The following PDXP variants were observed in gnomAD, a reference collection of about 807,000 sequenced individuals.
PDXP encodes chronophin.
A neutral mutation model predicts 14.4 loss-of-function variants in PDXP; 15 were observed. The observed-to-expected ratio is 1.04, with a 90% confidence interval of 0.70 to 1.60. PDXP has a LOEUF of 1.60. PDXP is among the 40% of genes most tolerant of loss of function. PDXP has a pLI of 0.00. For missense variants in PDXP, 413 were observed against 427.6 expected (o/e 0.97, Z 0.30); for synonymous variants, 233 against 205.6 (o/e 1.13, Z -1.14).
intron 1 of PDXP, among the ~76,000 whole-genome samples, chr22:37,662,860 C>T (rs1299203219): frequency 1.3e-5 from 2 of 151,802 alleles, no homozygotes; most frequent in Non-Finnish European, 2.9e-5. Context: ...TGGTGACACG[C>T]GCCTGTAATC....
At chr22:37,665,211 G>A in intron 1 of PDXP, 2 of 368,304 alleles carry the variant, frequency 5.4e-6, no homozygotes, top group East Asian at 5.2e-5. Context: ...CGAACCTCAG[G>A]CAGGACTGAC....
intron 1 of PDXP, 63 bp downstream of exon 1, chr22:37,659,419 A>G (rs1183721077): frequency 5.1e-6 from 6 of 1,183,854 alleles, no homozygotes; most frequent in South Asian, 7.0e-5. Context: ...CTCCACGCCT[A>G]AGGGTGAGGG....
Position 37,665,883 on chromosome 22 carries a change from C to T in PDXP, c.*12C>T. The T allele has an allele frequency of 6.2e-7, 1 of 1,606,218 alleles. No homozygotes were observed. The highest frequency in any genetic ancestry group is 8.5e-7 in the Non-Finnish European group (1 of 1,174,406). On this transcript the variant is annotated 3_prime_UTR_variant, in exon 2 of 2. Transcript: ENST00000215904. ...GGTTGGAGGACTGAGCCCACTGCACCTGCAGCCACAGGCCCACCCCTCCCC... is the reference window on the plus strand; with the variant it reads ...GGTTGGAGGACTGAGCCCACTGCACTTGCAGCCACAGGCCCACCCCTCCCC...
rs1479895799 is a variant in PDXP, at chr22:37,659,206, C to G, written c.424C>G (p.Arg142Gly). The G allele has an allele frequency of 6.4e-6, 8 of 1,256,944 alleles. No homozygotes were observed. The highest frequency in any genetic ancestry group is 6.0e-6 in the Non-Finnish European group (6 of 999,846). The allele number at this position is 1,256,944 out of a possible 1,614,324, so 77.9% of individuals were successfully genotyped here. A position where few individuals can be genotyped will look rare whatever the true frequency, so the allele number is the denominator to read the frequency against. Residue 142 changes from arginine to glycine, a missense_variant, in exon 1 of 2, where the codon CGC becomes GGC. By Grantham distance (125) the Arg-to-Gly change is moderately radical (BLOSUM62 -2). Coordinates refer to ENST00000215904, the MANE Select transcript of PDXP (RefSeq NM_020315.5). ...DPSAGDGAAP[R>G]VRAVLVGYDE... ...GAGCGCGGGGGACGGCGCGGCCCCGCGCGTGCGCGCCGTGCTTGTGGGCTA... is the reference window on the plus strand; with the variant it reads ...GAGCGCGGGGGACGGCGCGGCCCCGGGCGTGCGCGCCGTGCTTGTGGGCTA...
chr22:37,658,954 A>G lies in PDXP; in HGVS notation c.172A>G (p.Ser58Gly). ...GGCCGGCAAGGCGGCTCTGTTTGTGAGCAACAACAGCCGGCGCGCGCGGCC... is the reference window on the plus strand; with the variant it reads ...GGCCGGCAAGGCGGCTCTGTTTGTGGGCAACAACAGCCGGCGCGCGCGGCC... The part of the protein sequence containing the change: ...ARAGKAALFV[S>G]NNSRRARPEL... The change falls in exon 1 of 2, where the codon AGC (serine) becomes GGC (glycine). Residue 58 changes from serine (S) to glycine (G), a missense_variant. By Grantham distance (56) the Ser-to-Gly change is moderately conservative. Transcript: ENST00000215904. 8.3e-7 allele frequency: 1 copy of G among 1,210,132 alleles called. No individual in the cohort carries two copies. The highest frequency in any genetic ancestry group is 1.0e-6 in the Non-Finnish European group (1 of 972,166). The allele number at this position is 1,210,132 out of a possible 1,614,324, so 75.0% of individuals were successfully genotyped here.
Position 37,666,135 on chromosome 22 carries a change from A to C in PDXP, c.*264A>C. 4 of 524,986 alleles carry C rather than the reference A, an allele frequency of 7.6e-6. No homozygotes were observed. Among genetic ancestry groups the C allele is most frequent in the South Asian group, 5.3e-5 (2 of 37,734 alleles). The allele number at this position is 524,986 out of a possible 1,614,324, so 32.5% of individuals were successfully genotyped here. ...CAGGTGGCCTTATTTCTTCCCTGTC[A>C]CCTCCCCTCCTTGAAATCTGGGCCC... On this transcript the variant is annotated 3_prime_UTR_variant, in exon 2 of 2. Coordinates refer to ENST00000215904, the MANE Select transcript of PDXP (RefSeq NM_020315.5).
Position 37,666,407 on chromosome 22 carries a change from C to G in PDXP, c.*536C>G, listed in dbSNP as rs1320922031. On this transcript the variant is annotated 3_prime_UTR_variant, in exon 2 of 2. Transcript: ENST00000215904. The stretch of plus-strand genomic sequence containing the variant: ...TAAGTAATAGTGACCCTTTCACGTC[C>G]TGGAGCCCGAGTGGACCAATCGGAA... 1 of 178,688 alleles carries G rather than the reference C, an allele frequency of 5.6e-6. No homozygotes were observed. The highest frequency in any genetic ancestry group is 1.4e-5 in the Non-Finnish European group (1 of 73,776). 11.1% of individuals were successfully genotyped at this position (178,688 alleles called of 1,614,324 possible).
rs192151501 is a variant in PDXP at position 37,660,262 on chromosome 22, G to A, written c.574+906G>A. The stretch of plus-strand genomic sequence containing the variant: ...AGCTGCCCAAGAACAGATATAGTGA[G>A]CCCCTCCACCTCCTGTGTCCCCACA... On this transcript the variant is annotated intron_variant, in intron 1 of 1. Coordinates refer to ENST00000215904, the MANE Select transcript of PDXP (RefSeq NM_020315.5). Among the ~76,000 whole-genome samples the A allele has an allele frequency of 7.2e-5, 11 of 152,294 alleles. No homozygotes were observed. In the East Asian group the frequency reaches 2.1e-3, roughly 29 times the overall value.
At chr22:37,663,299 G>A (rs1177206784) in intron 1 of PDXP, among the ~76,000 whole-genome samples, 3 of 112,506 alleles carry the variant, frequency 2.7e-5, no homozygotes, top group Admixed American at 8.7e-5. Flanking sequence ...GCGAGACTCC[G>A]TCTCAAAAAA....
Position 37,665,967 on chromosome 22 carries a change from T to A in PDXP, c.*96T>A. The A allele has an allele frequency of 7.7e-7, 1 of 1,295,684 alleles. No homozygotes were observed. The highest frequency in any genetic ancestry group is 1.1e-6 in the Non-Finnish European group (1 of 930,004). 80.3% of individuals were successfully genotyped at this position (1,295,684 alleles called of 1,614,324 possible). A position where few individuals can be genotyped will look rare whatever the true frequency, so the allele number is the denominator to read the frequency against. ...ACGAGCCATGTTAAGCACAACCGGC[T>A]CCTTGGTCCAGTTCTGCACCGGGGT... On this transcript the variant is annotated 3_prime_UTR_variant, in exon 2 of 2. Transcript: ENST00000215904.
chr22:37,661,917 ATTTTTTTTTTTTTTTTTTTTTTTTTTTT>A (rs763030330), intron 1 of PDXP, among the ~76,000 whole-genome samples: 1 of 71,190 alleles, frequency 1.4e-5, no homozygotes. Context: ...TTTTTCTTTA[ATTTTTTTTTTTTTTTTTTTTTTTTTTTT>A]TTTTTTTTTT....
chr22:37,662,578 C>T (rs2146089294), intron 1 of PDXP, among the ~76,000 whole-genome samples: 1 of 152,324 alleles, frequency 6.6e-6, no homozygotes, highest in South Asian at 2.1e-4. Context: ...CACCTTCATA[C>T]AGGATTTCCA....
chr22:37,658,726 A>C lies in PDXP; in HGVS notation c.-57A>C. On this transcript the variant is annotated 5_prime_UTR_variant, in exon 1 of 2. Coordinates refer to ENST00000215904, the MANE Select transcript of PDXP (RefSeq NM_020315.5). ...CGGCTGCGTGGAACGTGCCAGGGAG[A>C]GCGCGCCGTGCCCGCGGAGAGAGCG... is the stretch of plus-strand genomic sequence containing the variant. 9.4e-7 allele frequency: 1 copy of C among 1,065,770 alleles called. No individual in the cohort carries two copies. The highest frequency in any genetic ancestry group is 4.6e-5 in the South Asian group (1 of 21,626). The allele number at this position is 1,065,770 out of a possible 1,614,324, so 66.0% of individuals were successfully genotyped here. A position where few individuals can be genotyped will look rare whatever the true frequency, so the allele number is the denominator to read the frequency against.
At chr22:37,664,276 A>G (rs911400841) in intron 1 of PDXP, among the ~76,000 whole-genome samples, 2 of 150,670 alleles carry the variant, frequency 1.3e-5, no homozygotes, top group Non-Finnish European at 3.0e-5. Flanking sequence ...ATGTATATTT[A>G]AGTAGAGATG....
Position 37,659,115 on chromosome 22 carries a change from C to T in PDXP, c.333C>T (p.Phe111=). The change falls in exon 1 of 2, where the codon TTC becomes TTT. Residue 111 remains phenylalanine, a synonymous_variant. Transcript: ENST00000215904. ...PGPPDAPGAV[F]VLGGEGLRAE... is the part of the protein sequence containing the mutation. ...CTCCGGACGCGCCGGGCGCCGTGTTCGTGCTGGGCGGCGAGGGGCTGCGCG... is the reference window on the plus strand; with the variant it reads ...CTCCGGACGCGCCGGGCGCCGTGTTTGTGCTGGGCGGCGAGGGGCTGCGCG... The T allele has an allele frequency of 9.7e-7, 1 of 1,027,878 alleles. No individual in the cohort carries two copies. Among genetic ancestry groups the T allele is most frequent in the Non-Finnish European group, 1.2e-6 (1 of 859,926 alleles). 63.7% of individuals were successfully genotyped at this position (1,027,878 alleles called of 1,614,324 possible).
chr22:37,666,244 T>C lies in PDXP; in HGVS notation c.*373T>C. On this transcript the variant is annotated 3_prime_UTR_variant, in exon 2 of 2. Coordinates refer to ENST00000215904, the MANE Select transcript of PDXP (RefSeq NM_020315.5). The stretch of plus-strand genomic sequence containing the variant: ...GGGCTTCTAGAGCTCTCTCTGCCCC[T>C]CAGGTCCTGGCCCTTGGGTCCTTGT... 1 of 306,692 alleles carries C rather than the reference T, an allele frequency of 3.3e-6. No homozygotes were observed. The highest frequency in any genetic ancestry group is 6.5e-6 in the Non-Finnish European group (1 of 153,386). 19.0% of individuals were successfully genotyped at this position (306,692 alleles called of 1,614,324 possible). A position where few individuals can be genotyped will look rare whatever the true frequency, so the allele number is the denominator to read the frequency against.
Position 37,658,863 on chromosome 22 carries a change from C to T in PDXP, c.81C>T (p.Asp27=), listed in dbSNP as rs1933135489. 3 of 1,216,252 alleles carry T rather than the reference C, an allele frequency of 2.5e-6. No homozygotes were observed. The highest frequency in any genetic ancestry group is 1.0e-6 in the Non-Finnish European group (1 of 976,598). 75.3% of individuals were successfully genotyped at this position (1,216,252 alleles called of 1,614,324 possible). Residue 27 remains aspartate, a synonymous_variant, in exon 1 of 2, where the codon GAC becomes GAT. Coordinates refer to ENST00000215904, the MANE Select transcript of PDXP (RefSeq NM_020315.5). ...GRAQGVLFDC[D]GVLWNGERAV... ...CGCAGGGGGTCCTGTTCGACTGTGA[C>T]GGGGTGCTGTGGAACGGCGAGCGCG...
At chr22:37,659,447 C>T (rs1933158489) in intron 1 of PDXP, 91 bp downstream of exon 1, 1 of 1,015,240 alleles carries the variant, frequency 9.8e-7, no homozygotes, top group Admixed American at 4.0e-5. Context: ...AGAGGCGTCT[C>T]CAGGTGGCAG....
chr22:37,659,028 C>G lies in PDXP; in HGVS notation c.246C>G (p.Ala82=). The change falls in exon 1 of 2, where the codon GCC becomes GCG. Residue 82 remains alanine (A), a synonymous_variant. Transcript: ENST00000215904. ...GCCTCGGCTTCGGGGGGCTGCGCGC[C>G]GAGCAGCTCTTCAGCTCCGCGCTGT... ...FARLGFGGLR[A]EQLFSSALCA... The G allele has an allele frequency of 1.1e-5, 13 of 1,177,438 alleles. No individual in the cohort carries two copies. Among genetic ancestry groups the G allele is most frequent in the Non-Finnish European group, 1.3e-5 (12 of 950,494 alleles). 72.9% of individuals were successfully genotyped at this position (1,177,438 alleles called of 1,614,324 possible).
Sources: gnomAD v4.1 joint callset for allele counts (sites outside exome capture counted in the v4.1 genomes callset) on GRCh38, gnomAD v4.1.1 for gene constraint, MANE v1.5 for transcripts, NCBI Gene and HGNC (gene_info 2026-07-23, HGNC 2026-07-21) for gene names.